The following DIXDC1 variants were observed in gnomAD, a reference collection of about 807,000 sequenced individuals.
The protein encoded by DIXDC1 is dixin.
In DIXDC1, 64 loss-of-function variants were observed where a neutral mutation model predicts 103.1. The observed-to-expected ratio is 0.62, with a 90% CI of 0.51 to 0.76. The LOEUF (loss-of-function observed/expected upper bound fraction) is 0.76, where lower values mean the gene tolerates loss of function less well. Ranked by LOEUF, DIXDC1 falls within the 30% of genes least tolerant of loss-of-function variation. The pLI, the probability that DIXDC1 is intolerant of heterozygous loss-of-function variation, is 0.00. For missense variants in DIXDC1, 759 were observed against 834.2 expected (o/e 0.91, Z 1.11); for synonymous variants, 266 against 298.5 (o/e 0.89, Z 1.12).
At chr11:112,007,585 C>T (rs1418703601) in intron 17 of DIXDC1, among the ~76,000 whole-genome samples, 2 of 152,176 alleles carry the variant, frequency 1.3e-5, no homozygotes, top group African/African-American at 4.8e-5. Flanking sequence ...CAAAGGGAAA[C>T]CCATCAGACT....
intron 17 of DIXDC1, among the ~76,000 whole-genome samples, chr11:112,000,886 T>TG (rs1431317735): frequency 6.6e-6 from 1 of 152,170 alleles, no homozygotes; most frequent in Non-Finnish European, 1.5e-5. Flanking sequence ...GGGATGTGAA[T>TG]GGTGCAGCTG....
At chr11:111,942,316 C>T (rs781882640) in intron 1 of DIXDC1, among the ~76,000 whole-genome samples, 1 of 152,176 alleles carries the variant, frequency 6.6e-6, no homozygotes, top group Non-Finnish European at 1.5e-5. Context: ...CTCCCCGAGG[C>T]GGTTCAGAGG....
At position 112,018,952 on chromosome 11, in the gene DIXDC1, C is replaced by G. The variant is rs369843356; in HGVS notation, c.1972-4C>G. 9 of 1,610,066 alleles carry G rather than the reference C, an allele frequency of 5.6e-6. No homozygotes were observed. The highest frequency in any genetic ancestry group is 7.6e-6 in the Non-Finnish European group (9 of 1,178,172). ...TCACTGTGGCTTTTTGTTTTTTTCT[C>G]TAGATTTTCCATGATGATGATGCCA... On this transcript the variant is annotated splice_polypyrimidine_tract_variant and splice_region_variant and intron_variant, in intron 19 of 19. Transcript: ENST00000440460.
intron 1 of DIXDC1, among the ~76,000 whole-genome samples, chr11:111,950,001 C>T (rs1966726049): frequency 6.6e-6 from 1 of 152,044 alleles, no homozygotes; most frequent in South Asian, 2.1e-4. Flanking sequence ...GACCTTGGCA[C>T]AATGCCTGGC....
chr11:111,937,015 A>ATG (rs782375854), upstream of DIXDC1, among the ~76,000 whole-genome samples: 1,380 of 127,596 alleles, frequency 0.011, 7 homozygotes, highest in Middle Eastern at 0.07. Flanking sequence ...GTATGTGTGT[A>ATG]TGTGTGTGTG....
intron 8 of DIXDC1, among the ~76,000 whole-genome samples, chr11:111,985,944 C>G (rs587630639): frequency 1.6e-4 from 25 of 152,298 alleles, no homozygotes; most frequent in African/African-American, 5.8e-4. Flanking sequence ...CCAAAATGCG[C>G]CAAACAGAAA....
chr11:112,017,983 C>G lies in DIXDC1; in HGVS notation c.1971+98C>G, dbSNP rs587759377. 1.3e-4 allele frequency: 119 copies of G among 905,048 alleles called. 2 individuals carry two copies. In the South Asian group the frequency reaches 2.1e-3, roughly 16 times the overall value. 56.1% of individuals were successfully genotyped at this position (905,048 alleles called of 1,614,324 possible). ...TAGTGTCCAGAAGTACATGAGTTCC[C>G]TGACTAGGTCAGAAGAATTTGCCAG... On this transcript the variant is annotated intron_variant, in intron 19 of 19. Transcript: ENST00000440460. This position sits in a 1 kb window ranked among gnomAD's most constrained non-coding sequence, Gnocchi z 4.0.
chr11:111,975,187 C>T (rs1467535603), intron 5 of DIXDC1: 27 of 1,368,850 alleles, frequency 2.0e-5, no homozygotes, highest in South Asian at 3.0e-5. Flanking sequence ...GGTTTATTTC[C>T]CACAAATGGA....
At chr11:111,972,019 T>C (rs1859953652) in intron 3 of DIXDC1, among the ~76,000 whole-genome samples, 1 of 152,132 alleles carries the variant, frequency 6.6e-6, no homozygotes, top group South Asian at 2.1e-4. Flanking sequence ...TGTTGGGTAC[T>C]GTGCTCACTA....
chr11:111,993,135 A>G lies in DIXDC1; in HGVS notation c.1272+131A>G. 1.9e-6 allele frequency: 2 copies of G among 1,055,316 alleles called. 1 individual carries two copies. The highest frequency in any genetic ancestry group is 3.3e-5 in the South Asian group (2 of 60,394). 65.4% of individuals were successfully genotyped at this position (1,055,316 alleles called of 1,614,324 possible). A position where few individuals can be genotyped will look rare whatever the true frequency, so the allele number is the denominator to read the frequency against. ...TTTTTTTTTATCCTTGCTTTTTAGAAGGAAGCATTTTTCTGTGTCCCCTGA... is the reference window on the plus strand; with the variant it reads ...TTTTTTTTTATCCTTGCTTTTTAGAGGGAAGCATTTTTCTGTGTCCCCTGA... On this transcript the variant is annotated intron_variant, in intron 12 of 19. Transcript: ENST00000440460.
At chr11:112,016,991 C>G (rs1189502573) in intron 18 of DIXDC1, among the ~76,000 whole-genome samples, 195 bp downstream of exon 18, 1 of 151,974 alleles carries the variant, frequency 6.6e-6, no homozygotes, top group African/African-American at 2.4e-5. Flanking sequence ...AAGGACAAGT[C>G]ATGATCTACT....
chr11:111,959,844 GCA>G (rs1555170906), intron 1 of DIXDC1, among the ~76,000 whole-genome samples: 105 of 152,290 alleles, frequency 6.9e-4, no homozygotes, highest in Non-Finnish European at 1.3e-3. Context: ...ACCTCTTAGT[GCA>G]AGTCAGCAGT....
chr11:111,966,577 G>A (rs1859748640), intron 2 of DIXDC1, among the ~76,000 whole-genome samples: 1 of 151,840 alleles, frequency 6.6e-6, no homozygotes, highest in African/African-American at 2.4e-5. Flanking sequence ...CTAATTTTTT[G>A]TATTTTTAGT....
At chr11:111,946,148 G>A (rs1351285455) in intron 1 of DIXDC1, among the ~76,000 whole-genome samples, 2 of 148,078 alleles carry the variant, frequency 1.4e-5, no homozygotes, top group African/African-American at 5.0e-5. Flanking sequence ...TTGCTCTTTC[G>A]CCTAGGCCGG....
chr11:111,964,406 T>A (rs1859662164), intron 1 of DIXDC1, 143 bp from the exon 2 acceptor site: 1 of 858,892 alleles, frequency 1.2e-6, no homozygotes, highest in African/African-American at 1.7e-5. Flanking sequence ...TAATCTTTCT[T>A]CTCTCTTTCC....
chr11:111,978,422 T>G (rs1433506507), intron 5 of DIXDC1, among the ~76,000 whole-genome samples: 1 of 152,132 alleles, frequency 6.6e-6, no homozygotes, highest in East Asian at 1.9e-4. Context: ...GGGAGTTTCC[T>G]GCCTGAGGTC....
intron 1 of DIXDC1, chr11:111,946,636 C>A: frequency 4.2e-6 from 1 of 237,018 alleles, no homozygotes; most frequent in Non-Finnish European, 9.0e-6. Context: ...GCTAGAATTA[C>A]AGGCATGAGC....
At chr11:111,973,989 G>T in intron 3 of DIXDC1, 34 bp from the exon 4 acceptor site, 1 of 1,606,682 alleles carries the variant, frequency 6.2e-7, no homozygotes, top group South Asian at 1.1e-5. Context: ...GGACCTCTTG[G>T]TCTGTTTTAT....
rs587756407 is a variant in DIXDC1 at position 111,949,550 on chromosome 11, G to A, written c.60+11991G>A. On this transcript the variant is annotated intron_variant, in intron 1 of 19. Transcript: ENST00000440460. Reference sequence around the variant, plus strand: ...GCTTGAATTATTGCCTGGGCTCCTCGTTGGCTTCTTCAATCTGTATGCTGT... The same window carrying A: ...GCTTGAATTATTGCCTGGGCTCCTCATTGGCTTCTTCAATCTGTATGCTGT... 6.6e-5 allele frequency among the ~76,000 whole-genome samples: 10 copies of A among 152,276 alleles called. No individual in the cohort carries two copies. In the South Asian group the frequency reaches 1.7e-3, roughly 25 times the overall value.
Sources: gnomAD v4.1 joint callset for allele counts (sites outside exome capture counted in the v4.1 genomes callset) on GRCh38, gnomAD v4.1.1 for gene constraint, Gnocchi (gnomAD v3.1) non-coding constraint, MANE v1.5 for transcripts, NCBI Gene and HGNC (gene_info 2026-07-23, HGNC 2026-07-21) for gene names.